Variants in MPHOSPH9 observed in about 807,000 individuals in gnomAD.
MPHOSPH9 encodes the protein M-phase phosphoprotein 9.
A neutral mutation model predicts 145.5 loss-of-function variants in MPHOSPH9; 88 were observed. The observed-to-expected ratio is 0.60, with a 90% CI of 0.51 to 0.72. The LOEUF (loss-of-function observed/expected upper bound fraction) is 0.72, where lower values mean the gene tolerates loss of function less well. Among genes scored for constraint, MPHOSPH9 ranks in the 30% least tolerant of loss-of-function variants. The pLI is 0.00. For missense variants in MPHOSPH9, 1,238 were observed against 1,386.6 expected (o/e 0.89, Z 1.70); for synonymous variants, 435 against 486.2 (o/e 0.89, Z 1.39).
In MPHOSPH9 at chr12:123,194,454, C is replaced by A; in HGVS notation, c.2173G>T (p.Glu725Ter). The A allele has an allele frequency of 6.2e-7, 1 of 1,610,222 alleles. No homozygotes were observed. The highest frequency in any genetic ancestry group is 1.1e-5 in the South Asian group (1 of 90,234). Residue 725 changes from glutamate to a stop codon, truncating the protein, a stop_gained, in exon 13 of 24, where the codon GAG becomes TAG. Transcript: ENST00000606320. LOFTEE classifies it high-confidence loss of function. Reference sequence around the variant, plus strand: ...TCATCTGAGAGTTTGTAAGCATTCTCAAATGCTTCTTCTAAATCTTGCAGT... The same window carrying A: ...TCATCTGAGAGTTTGTAAGCATTCTAAAATGCTTCTTCTAAATCTTGCAGT... The part of the protein sequence containing the change: ...SRLQDLEEAF[E>*]NAYKLSDDKE...
At chr12:123,226,370 T>C (rs1283291365) in intron 3 of MPHOSPH9, 18 of 1,132,896 alleles carry the variant, frequency 1.6e-5, no homozygotes, top group Non-Finnish European at 2.0e-5. Context: ...TAACACAAAT[T>C]ATGCTTCTAA....
At chr12:123,201,806 T>C (rs949929925) in intron 11 of MPHOSPH9, among the ~76,000 whole-genome samples, 2 of 152,294 alleles carry the variant, frequency 1.3e-5, no homozygotes, top group East Asian at 3.9e-4. Flanking sequence ...CATTCTCCCC[T>C]GCATATCTTT....
chr12:123,196,458 C>T (rs1319121358), intron 12 of MPHOSPH9, among the ~76,000 whole-genome samples: 2 of 152,058 alleles, frequency 1.3e-5, no homozygotes, highest in African/African-American at 2.4e-5. Context: ...ATTTTATCGT[C>T]TAATAGATAT....
intron 13 of MPHOSPH9, among the ~76,000 whole-genome samples, chr12:123,187,117 C>T (rs914346896): frequency 9.2e-5 from 14 of 151,948 alleles, no homozygotes; most frequent in African/African-American, 3.1e-4. Context: ...AAAAACTAGC[C>T]GGGTGTTGTG....
intron 13 of MPHOSPH9, among the ~76,000 whole-genome samples, chr12:123,182,234 C>T (rs1342140483): frequency 3.4e-5 from 5 of 147,386 alleles, no homozygotes; most frequent in East Asian, 4.2e-4. Context: ...CCATCATGCC[C>T]GGTGTTTTTT....
At position 123,156,773 on chromosome 12, in the gene MPHOSPH9, AC is replaced by A. The variant is rs752739478; in HGVS notation, c.*33del. On this transcript the variant is annotated 3_prime_UTR_variant, in exon 24 of 24. Coordinates refer to ENST00000606320, the MANE Select transcript of MPHOSPH9 (RefSeq NM_022782.4). ...ACTGCATAATTATACATTAGTGCAA[AC>A]AAAAATGTCTCAAAATTTAATGGCT... is the stretch of plus-strand genomic sequence containing the variant. 1 of 1,576,902 alleles carries A rather than the reference AC, an allele frequency of 6.3e-7. No individual in the cohort carries two copies. The highest frequency in any genetic ancestry group is 1.1e-5 in the South Asian group (1 of 89,686).
chr12:123,229,240 T>C (rs1037328251), intron 2 of MPHOSPH9, among the ~76,000 whole-genome samples: 4 of 152,336 alleles, frequency 2.6e-5, no homozygotes, highest in Non-Finnish European at 5.9e-5. Flanking sequence ...CCGCTCTTTA[T>C]AGATGCTCTC....
upstream of MPHOSPH9, chr12:123,233,409 T>G (rs1468503198): frequency 6.6e-6 from 1 of 152,200 alleles, no homozygotes; most frequent in Non-Finnish European, 1.5e-5. Context: ...CTCTGGTAGA[T>G]AAGAGAAACC....
chr12:123,218,305 T>C, intron 6 of MPHOSPH9, 71 bp downstream of exon 6: 1 of 1,572,328 alleles, frequency 6.4e-7, no homozygotes, highest in Non-Finnish European at 8.6e-7. Flanking sequence ...AAGAGTTTTG[T>C]TCATGAGCGT....
intron 11 of MPHOSPH9, among the ~76,000 whole-genome samples, chr12:123,201,875 C>T (rs899906081): frequency 6.6e-6 from 1 of 152,104 alleles, no homozygotes; most frequent in Non-Finnish European, 1.5e-5. Flanking sequence ...GGACATAAGC[C>T]ATAGACTTAT....
At chr12:123,232,906 G>C (rs963815604) in intron 1 of MPHOSPH9, 169 bp downstream of exon 1, 1 of 152,322 alleles carries the variant, frequency 6.6e-6, no homozygotes. Flanking sequence ...CCGCGGCCGG[G>C]CAGAGCTCCC....
intron 16 of MPHOSPH9, among the ~76,000 whole-genome samples, chr12:123,168,635 C>A (rs888065918): frequency 1.3e-5 from 2 of 152,070 alleles, no homozygotes; most frequent in Non-Finnish European, 2.9e-5. Flanking sequence ...CGCCAACGCA[C>A]CCGGCCGGCA....
At chr12:123,196,927 A>G (rs2045972890) in intron 12 of MPHOSPH9, among the ~76,000 whole-genome samples, 1 of 151,754 alleles carries the variant, frequency 6.6e-6, no homozygotes, top group African/African-American at 2.4e-5. Context: ...GATTTCATTT[A>G]TATCAATGTT....
chr12:123,197,042 T>G (rs967622439), intron 12 of MPHOSPH9, among the ~76,000 whole-genome samples: 2 of 146,266 alleles, frequency 1.4e-5, no homozygotes, highest in African/African-American at 2.5e-5. Flanking sequence ...TTTTTTTTTT[T>G]TTTTTTTTTT....
At chr12:123,226,815 T>G (rs556675790) in intron 3 of MPHOSPH9, among the ~76,000 whole-genome samples, 8 of 152,240 alleles carry the variant, frequency 5.3e-5, no homozygotes, top group African/African-American at 1.9e-4. Flanking sequence ...TGTATTTATA[T>G]TTGTAGAGAC....
chr12:123,206,664 A>T lies in MPHOSPH9; in HGVS notation c.1195-3289T>A, dbSNP rs533887058. 3.3e-5 allele frequency among the ~76,000 whole-genome samples: 5 copies of T among 152,192 alleles called. No individual in the cohort carries two copies. The South Asian group carries it at 1.0e-3, about 32-fold the overall frequency. The stretch of plus-strand genomic sequence containing the variant: ...CACAGTGGCTCACACCTGTAATCCC[A>T]GCACTTTGGGAGGCTGAGGCAGGTG... On this transcript the variant is annotated intron_variant, in intron 8 of 23. Transcript: ENST00000606320.
At position 123,197,031 on chromosome 12, in the gene MPHOSPH9, G is replaced by GTTT. The variant is rs56061451; in HGVS notation, c.2025+1213_2025+1215dup. On this transcript the variant is annotated intron_variant, in intron 12 of 23. Transcript: ENST00000606320. ...GGGGGGTGACGGTTAAGGGGTGTGG[G>GTTT]TTTTTTTTTTTTTTTTTTTTTTTTT... 2.7e-4 allele frequency among the ~76,000 whole-genome samples: 20 copies of GTTT among 73,006 alleles called. 1 individual carries two copies. The highest frequency in any genetic ancestry group is 8.6e-4 in the Admixed American group (5 of 5,794). 47.9% of individuals were successfully genotyped at this position (73,006 alleles called of 152,430 possible). A position where few individuals can be genotyped will look rare whatever the true frequency, so the allele number is the denominator to read the frequency against.
chr12:123,238,364 A>T (rs1261134449), intron 1 of MPHOSPH9, among the ~76,000 whole-genome samples: 2 of 152,164 alleles, frequency 1.3e-5, no homozygotes, highest in African/African-American at 2.4e-5. Context: ...ACTGTTTATT[A>T]GGTCATTGTT....
chr12:123,224,121 T>TATATATATATATATATATATAC (rs2047335253), intron 3 of MPHOSPH9, among the ~76,000 whole-genome samples: 2 of 140,780 alleles, frequency 1.4e-5, no homozygotes, highest in South Asian at 4.6e-4. Flanking sequence ...TATATATATA[T>TATATATATATATATATATATAC]ATATACACAT....
Sources: gnomAD v4.1 joint callset for allele counts (sites outside exome capture counted in the v4.1 genomes callset) on GRCh38, gnomAD v4.1.1 for gene constraint, MANE v1.5 for transcripts, NCBI Gene and HGNC (gene_info 2026-07-23, HGNC 2026-07-21) for gene names.